Variants in ZNF200 observed in about 807,000 individuals in gnomAD.
ZNF200 encodes the protein zinc finger protein 200.
In ZNF200, 35 loss-of-function variants were observed where a neutral mutation model predicts 33.6. The ratio of observed to expected loss-of-function variants is 1.04; its 90% CI spans 0.80 to 1.38. The LOEUF is 1.38. Among genes scored for constraint, ZNF200 ranks in the 40% most tolerant of loss-of-function variants. The pLI is 0.00. For missense variants in ZNF200, 592 were observed against 470.6 expected (o/e 1.26, Z -2.39); for synonymous variants, 209 against 167.7 (o/e 1.25, Z -1.90).
In ZNF200 at chr16:3,224,113, G is replaced by A. The variant is rs371093127; in HGVS notation, c.967C>T (p.Arg323Trp). 3.5e-5 allele frequency: 56 copies of A among 1,613,974 alleles called. No individual in the cohort carries two copies. The highest frequency in any genetic ancestry group is 1.2e-4 in the South Asian group (11 of 91,078). The change falls in exon 5 of 5, where the codon CGG becomes TGG. Residue 323 changes from arginine to tryptophan, a missense_variant. Arg to Trp is a moderately radical substitution (Grantham distance 101). Transcript: ENST00000414144. ...CGKNFRQNSH[R>W]SRHEGIHIRE... is the part of the protein sequence containing the mutation. ...ATATGGATTCCTTCATGACGACTCCGATGAGAATTCTGACGGAAGTTTTTT... is the reference window on the plus strand; with the variant it reads ...ATATGGATTCCTTCATGACGACTCCAATGAGAATTCTGACGGAAGTTTTTT...
At position 3,233,655 on chromosome 16, in the gene ZNF200, T is replaced by C. The variant is rs747657174; in HGVS notation, c.101A>G (p.Asp34Gly). 5.0e-6 allele frequency: 8 copies of C among 1,613,814 alleles called. No individual in the cohort carries two copies. In the African/African-American group the frequency reaches 1.1e-4, roughly 22 times the overall value. Residue 34 changes from aspartate to glycine, a missense_variant, in exon 2 of 5, where the codon GAT (aspartate) becomes GGT (glycine). Transcript: ENST00000414144. The part of the protein sequence containing the change: ...DSKLGQDLLR[D>G]ATNGPKTIHQ... ...GATGGTCTTGGGCCCGTTAGTGGCA[T>C]CTCGAAGTAGGTCTTGGCCCAGCTT...
rs533748209 is a variant in ZNF200, at chr16:3,232,411, G to C, written c.466+10C>G. On this transcript the variant is annotated intron_variant, in intron 4 of 4. Transcript: ENST00000414144. ...AACAACCTGAACACACAAAGGCTGTGATTTCTTACCCAGTAACATCATTTC... is the reference window on the plus strand; with the variant it reads ...AACAACCTGAACACACAAAGGCTGTCATTTCTTACCCAGTAACATCATTTC... 5.0e-6 allele frequency: 8 copies of C among 1,612,676 alleles called. No individual in the cohort carries two copies. The highest frequency in any genetic ancestry group is 3.3e-5 in the Admixed American group (2 of 59,828).
chr16:3,225,468 G>A (rs777402438), intron 4 of ZNF200: 6 of 152,068 alleles, frequency 3.9e-5, no homozygotes, highest in Non-Finnish European at 7.4e-5. Flanking sequence ...TTTATTATTT[G>A]GCAATTAAAG....
Position 3,223,805 on chromosome 16 carries a change from C to T in ZNF200, c.*87G>A. On this transcript the variant is annotated 3_prime_UTR_variant, in exon 5 of 5. Coordinates refer to ENST00000414144, the MANE Select transcript of ZNF200 (RefSeq NM_198088.3). ...TAATGAGATTTTTACACATTTATACCTTTTTAGGCAGCTTGGGAATTCAGA... is the reference window on the plus strand; with the variant it reads ...TAATGAGATTTTTACACATTTATACTTTTTTAGGCAGCTTGGGAATTCAGA... The T allele has an allele frequency of 1.3e-6, 2 of 1,492,510 alleles. No individual in the cohort carries two copies. The highest frequency in any genetic ancestry group is 1.8e-6 in the Non-Finnish European group (2 of 1,125,228). 92.5% of individuals were successfully genotyped at this position (1,492,510 alleles called of 1,614,324 possible).
At chr16:3,230,633 T>C (rs1033276404) in intron 4 of ZNF200, among the ~76,000 whole-genome samples, 27 of 152,356 alleles carry the variant, frequency 1.8e-4, no homozygotes, top group Middle Eastern at 3.4e-3. Flanking sequence ...AGGACTGTTC[T>C]TTGATTCCTG....
intron 3 of ZNF200, 69 bp from the exon 4 acceptor site, chr16:3,232,616 G>C: frequency 6.3e-7 from 1 of 1,585,524 alleles, no homozygotes; most frequent in South Asian, 1.1e-5. Context: ...GGTAAGAAAA[G>C]CTGACACACA....
rs777882915 is a variant in ZNF200 at position 3,223,973 on chromosome 16, ACAT to A, written c.1104_1106del (p.Lys368_Cys369delinsAsn). ...TTGACAGCCGACCAAATCTTCTCCC[ACAT>A]TTTTTGCAACCATATGGTCTCTCAG... is the stretch of plus-strand genomic sequence containing the variant. On this transcript the variant is annotated inframe_deletion, in exon 5 of 5. Coordinates refer to ENST00000414144, the MANE Select transcript of ZNF200 (RefSeq NM_198088.3). 42 of 1,614,030 alleles carry A rather than the reference ACAT, an allele frequency of 2.6e-5. No homozygotes were observed. The highest frequency in any genetic ancestry group is 3.2e-5 in the Non-Finnish European group (38 of 1,180,032).
intron 2 of ZNF200, 128 bp from the exon 3 acceptor site, chr16:3,233,049 GC>G (rs1164030527): frequency 1.3e-6 from 1 of 762,918 alleles, no homozygotes; most frequent in Non-Finnish European, 2.1e-6. Flanking sequence ...GCTCCTGTGA[GC>G]CCTTATAGAG....
intron 4 of ZNF200, among the ~76,000 whole-genome samples, chr16:3,230,601 T>G (rs776369545): frequency 1.3e-5 from 2 of 152,202 alleles, no homozygotes; most frequent in Non-Finnish European, 2.9e-5. Context: ...ACACACACAT[T>G]CTCTGTTTCC....
At chr16:3,231,117 A>C (rs1426217114) in intron 4 of ZNF200, among the ~76,000 whole-genome samples, 2 of 152,154 alleles carry the variant, frequency 1.3e-5, no homozygotes, top group Admixed American at 1.3e-4. Context: ...GTACGGGTGG[A>C]GGAAGTGGGG....
intron 1 of ZNF200, 176 bp downstream of exon 1, chr16:3,234,811 C>G (rs1958760878): frequency 6.6e-6 from 1 of 152,336 alleles, no homozygotes; most frequent in Non-Finnish European, 1.5e-5. Flanking sequence ...CCGGGCCAGG[C>G]TCACTCTGGG....
At chr16:3,234,899 C>T (rs1958763105) in intron 1 of ZNF200, 88 bp downstream of exon 1, 1 of 152,386 alleles carries the variant, frequency 6.6e-6, no homozygotes, top group South Asian at 2.1e-4. Flanking sequence ...ACCAGGCTCC[C>T]TACCCGGCCT....
intron 3 of ZNF200, 90 bp from the exon 4 acceptor site, chr16:3,232,637 G>A (rs145142651): frequency 6.4e-7 from 1 of 1,563,094 alleles, no homozygotes; most frequent in East Asian, 2.2e-5. Context: ...AAGATCAAGG[G>A]AAGGGATAGC....
chr16:3,227,819 C>G (rs1050034490), intron 4 of ZNF200: 2 of 152,164 alleles, frequency 1.3e-5, no homozygotes, highest in African/African-American at 2.4e-5. Context: ...AAGTCTCGGA[C>G]AATTCTTTAT....
chr16:3,230,214 C>T (rs1958599592), intron 4 of ZNF200, among the ~76,000 whole-genome samples: 1 of 151,640 alleles, frequency 6.6e-6, no homozygotes, highest in Non-Finnish European at 1.5e-5. Context: ...GCTTCTTGTA[C>T]AGCCTACAGA....
In ZNF200 at chr16:3,235,089, C is replaced by T. The variant is rs1958768785; in HGVS notation, c.-184G>A. ...TAGGCGCGAGCGGTCGAGCCCTCCC[C>T]TCGCCCTTCCGAGTGCCCTCACAGG... On this transcript the variant is annotated 5_prime_UTR_variant, in exon 1 of 5. Transcript: ENST00000414144. The T allele has an allele frequency of 1.3e-5, 2 of 152,250 alleles. No individual in the cohort carries two copies. The highest frequency in any genetic ancestry group is 4.8e-5 in the African/African-American group (2 of 41,466). The allele number at this position is 152,250 out of a possible 1,614,324, so 9.4% of individuals were successfully genotyped here.
intron 3 of ZNF200, 64 bp from the exon 4 acceptor site, chr16:3,232,611 G>C: frequency 5.0e-6 from 8 of 1,587,786 alleles, no homozygotes; most frequent in Non-Finnish European, 6.8e-6. Flanking sequence ...CTACTGGTAA[G>C]AAAAGCTGAC....
chr16:3,232,134 GT>G (rs1315088543), intron 4 of ZNF200, among the ~76,000 whole-genome samples: 1 of 152,162 alleles, frequency 6.6e-6, no homozygotes, highest in Non-Finnish European at 1.5e-5. Context: ...TGAGAACAGA[GT>G]TCAGAAAATG....
Position 3,233,648 on chromosome 16 carries a change from A to G in ZNF200, c.108T>C (p.Thr36=), listed in dbSNP as rs1173160180. The G allele has an allele frequency of 3.7e-6, 6 of 1,613,944 alleles. No individual in the cohort carries two copies. The highest frequency in any genetic ancestry group is 5.1e-6 in the Non-Finnish European group (6 of 1,179,998). The change falls in exon 2 of 5, where the codon ACT becomes ACC. Residue 36 remains threonine (T), a synonymous_variant. Coordinates refer to ENST00000414144, the MANE Select transcript of ZNF200 (RefSeq NM_198088.3). Reference sequence around the variant, plus strand: ...GCTGGTGGATGGTCTTGGGCCCGTTAGTGGCATCTCGAAGTAGGTCTTGGC... The same window carrying G: ...GCTGGTGGATGGTCTTGGGCCCGTTGGTGGCATCTCGAAGTAGGTCTTGGC... ...KLGQDLLRDA[T]NGPKTIHQLV... is the part of the protein sequence containing the mutation.
Sources: allele counts gnomAD v4.1 joint callset (sites outside exome capture counted in the v4.1 genomes callset), GRCh38; gene constraint gnomAD v4.1.1; transcripts MANE v1.5; gene names NCBI Gene and HGNC (gene_info 2026-07-23, HGNC 2026-07-21).